Variants in NR3C2 observed in about 807,000 individuals in gnomAD.
The protein encoded by NR3C2 is nuclear receptor subfamily 3 group C member 2, also known as mineralocorticoid receptor.
Under a neutral mutation model 86.4 loss-of-function variants are expected in NR3C2, and 15 were observed. The ratio of observed to expected loss-of-function variants is 0.17; its 90% CI spans 0.12 to 0.27. NR3C2 has a LOEUF of 0.27. Among genes scored for constraint, NR3C2 ranks in the 10% least tolerant of loss-of-function variants. NR3C2 has a pLI of 1.00. For missense variants in NR3C2, 960 were observed against 1,195.6 expected (o/e 0.80, Z 2.91); for synonymous variants, 458 against 450.5 (o/e 1.02, Z -0.21).
chr4:148,211,313 C>G (rs1737272610), intron 3 of NR3C2, among the ~76,000 whole-genome samples: 1 of 152,164 alleles, frequency 6.6e-6, no homozygotes, highest in African/African-American at 2.4e-5. Context: ...TATTAAAACA[C>G]AAATTTTAAA....
intron 2 of NR3C2, among the ~76,000 whole-genome samples, chr4:148,390,184 TAA>T (rs11320471): frequency 5.5e-4 from 74 of 133,858 alleles, no homozygotes; most frequent in Admixed American, 6.0e-4. Context: ...ATACATTCCT[TAA>T]AAAAAAAAAA....
chr4:148,375,385 G>A (rs1001074685), intron 2 of NR3C2, among the ~76,000 whole-genome samples: 3 of 151,922 alleles, frequency 2.0e-5, no homozygotes, highest in African/African-American at 7.3e-5. Flanking sequence ...GAACCCGGGA[G>A]GTGGAGGTTG....
At chr4:148,166,114 C>G (rs1578962190) in intron 4 of NR3C2, among the ~76,000 whole-genome samples, 1 of 151,922 alleles carries the variant, frequency 6.6e-6, no homozygotes, top group Non-Finnish European at 1.5e-5. Flanking sequence ...GCATGTACTT[C>G]AAAAAAAAGT....
Position 148,081,228 on chromosome 4 carries a change from A to G in NR3C2, c.*116T>C. ...TCTGACATGACTTTAAACTTGAGAA[A>G]CTGTTGAACAAGTGTGAATCAACCA... On this transcript the variant is annotated 3_prime_UTR_variant, in exon 9 of 9. Coordinates refer to ENST00000358102, the MANE Select transcript of NR3C2 (RefSeq NM_000901.5). 1 of 1,388,516 alleles carries G rather than the reference A, an allele frequency of 7.2e-7. No individual in the cohort carries two copies. Among genetic ancestry groups the G allele is most frequent in the Non-Finnish European group, 1.0e-6 (1 of 988,776 alleles). 86.0% of individuals were successfully genotyped at this position (1,388,516 alleles called of 1,614,324 possible).
chr4:148,322,212 T>C (rs1308486786), intron 2 of NR3C2, among the ~76,000 whole-genome samples: 1 of 149,438 alleles, frequency 6.7e-6, no homozygotes, highest in African/African-American at 2.5e-5. Context: ...TGGCCCCCAC[T>C]CTCTTCTGGC....
intron 4 of NR3C2, among the ~76,000 whole-genome samples, chr4:148,176,445 A>G (rs1735377134): frequency 6.6e-6 from 1 of 152,198 alleles, no homozygotes; most frequent in South Asian, 2.1e-4. Context: ...ACAGATGTAC[A>G]AAGGGAGCAT....
intron 2 of NR3C2, among the ~76,000 whole-genome samples, chr4:148,339,398 T>C (rs925664929): frequency 1.3e-5 from 2 of 152,192 alleles, no homozygotes; most frequent in African/African-American, 4.8e-5. Context: ...GATGACATAA[T>C]TCCTTTAGTA....
At chr4:148,275,491 C>T (rs951322452) in intron 2 of NR3C2, among the ~76,000 whole-genome samples, 6 of 151,202 alleles carry the variant, frequency 4.0e-5, no homozygotes, top group African/African-American at 7.3e-5. Context: ...AGTGCAATGA[C>T]GTGATCACGG....
intron 8 of NR3C2, among the ~76,000 whole-genome samples, chr4:148,103,191 AC>A (rs1429744156): frequency 6.6e-6 from 1 of 151,822 alleles, no homozygotes; most frequent in Non-Finnish European, 1.5e-5. Flanking sequence ...CCCCTTCTCT[AC>A]CCTGCCACTT....
chr4:148,344,516 C>T (rs1744898627), intron 2 of NR3C2, among the ~76,000 whole-genome samples: 2 of 152,114 alleles, frequency 1.3e-5, no homozygotes, highest in Admixed American at 6.6e-5. Flanking sequence ...AATGAGATAA[C>T]ATACCTAAAT....
intron 3 of NR3C2, among the ~76,000 whole-genome samples, chr4:148,222,715 C>T (rs1342632657): frequency 2.0e-5 from 3 of 152,160 alleles, no homozygotes; most frequent in Non-Finnish European, 2.9e-5. Context: ...TAAGTTTACA[C>T]CTTGCCATTT....
At position 148,309,242 on chromosome 4, in the gene NR3C2, T is replaced by C. The variant is rs562079422; in HGVS notation, c.1758-49125A>G. Among the ~76,000 whole-genome samples, 142 of 152,260 alleles carry C rather than the reference T, an allele frequency of 9.3e-4. 4 individuals are homozygous for C. The South Asian group carries it at 0.028, about 30-fold the overall frequency. On this transcript the variant is annotated intron_variant, in intron 2 of 8. Transcript: ENST00000358102. ...GAACTACTGTGTGCTGGAAAAACAA[T>C]ACATGAAATAGAAAACAAATGTGAT...
chr4:148,291,242 T>G (rs1049896121), intron 2 of NR3C2, among the ~76,000 whole-genome samples: 3 of 152,074 alleles, frequency 2.0e-5, no homozygotes, highest in Non-Finnish European at 4.4e-5. Context: ...ACTTAGGATT[T>G]TTTTTTCCCT....
intron 4 of NR3C2, among the ~76,000 whole-genome samples, chr4:148,157,483 C>T (rs1032107221): frequency 6.6e-6 from 1 of 151,954 alleles, no homozygotes; most frequent in African/African-American, 2.4e-5. Flanking sequence ...GATCACACAT[C>T]TTGTGTATCT....
chr4:148,200,824 C>T (rs1736683150), intron 3 of NR3C2, among the ~76,000 whole-genome samples: 1 of 152,094 alleles, frequency 6.6e-6, no homozygotes, highest in Admixed American at 6.5e-5. Context: ...TGTACTACTG[C>T]ATATTATCAG....
At chr4:148,246,917 C>T (rs768420453) in intron 3 of NR3C2, among the ~76,000 whole-genome samples, 15 of 152,086 alleles carry the variant, frequency 9.9e-5, no homozygotes, top group Non-Finnish European at 1.8e-4. Flanking sequence ...CATTTAGTAA[C>T]GATATTTTAT....
chr4:148,361,182 A>G (rs901964483), intron 2 of NR3C2, among the ~76,000 whole-genome samples: 1 of 152,226 alleles, frequency 6.6e-6, no homozygotes, highest in African/African-American at 2.4e-5. Context: ...AAAAATGCAA[A>G]GATTACACAT....
intron 2 of NR3C2, among the ~76,000 whole-genome samples, chr4:148,289,007 T>C (rs1579110862): frequency 2.0e-5 from 3 of 152,142 alleles, no homozygotes; most frequent in Non-Finnish European, 4.4e-5. Context: ...GGGAATCCAG[T>C]ATATTAAAAG....
intron 4 of NR3C2, among the ~76,000 whole-genome samples, chr4:148,162,407 C>T (rs1028255255): frequency 2.6e-5 from 4 of 152,068 alleles, no homozygotes; most frequent in Admixed American, 6.6e-5. Context: ...CATCCCCCCT[C>T]CCCTTTTTAA....
Sources: gnomAD v4.1 joint callset for allele counts (sites outside exome capture counted in the v4.1 genomes callset) on GRCh38, gnomAD v4.1.1 for gene constraint, MANE v1.5 for transcripts, NCBI Gene and HGNC (gene_info 2026-07-23, HGNC 2026-07-21) for gene names.